ERC2: variants seen among roughly 807,000 people sequenced by gnomAD.
The protein encoded by ERC2 is ELKS/RAB6-interacting/CAST family member 2, also known as ERC protein 2.
In ERC2, 42 loss-of-function variants were observed where a neutral mutation model predicts 114.8. The observed-to-expected ratio is 0.37, with a 90% CI of 0.29 to 0.47. The LOEUF is 0.47. Ranked by LOEUF, ERC2 falls within the 20% of genes least tolerant of loss-of-function variation. The pLI, the probability that ERC2 is intolerant of heterozygous loss-of-function variation, is 0.99. For missense variants in ERC2, 939 were observed against 1,150.7 expected, an observed-to-expected ratio of 0.82 and a Z score of 2.66; for synonymous variants, 454 against 425.5, an observed-to-expected ratio of 1.07 and a Z score of -0.82.
chr3:56,424,076 T>C (rs1388203230), intron 2 of ERC2, among the ~76,000 whole-genome samples: 1 of 152,230 alleles, frequency 6.6e-6, no homozygotes, highest in Admixed American at 6.5e-5. Flanking sequence ...AATCACTCTG[T>C]TACTTTTCTG....
chr3:55,791,543 G>A (rs1055223120), intron 14 of ERC2, among the ~76,000 whole-genome samples: 3 of 152,136 alleles, frequency 2.0e-5, no homozygotes, highest in African/African-American at 7.2e-5. Context: ...AGAAATGTCT[G>A]AGATGTTTTT....
chr3:55,785,580 G>A (rs1229376142), intron 14 of ERC2, among the ~76,000 whole-genome samples: 2 of 152,206 alleles, frequency 1.3e-5, no homozygotes, highest in African/African-American at 4.8e-5. Context: ...GACCTCACAT[G>A]GCAATGCAGG....
At chr3:55,876,132 C>G (rs986010604) in intron 14 of ERC2, among the ~76,000 whole-genome samples, 1 of 152,206 alleles carries the variant, frequency 6.6e-6, no homozygotes, top group African/African-American at 2.4e-5. Flanking sequence ...CACCTCCATG[C>G]TATTCCTCCC....
At chr3:55,801,918 C>T (rs2071086975) in intron 14 of ERC2, among the ~76,000 whole-genome samples, 1 of 152,252 alleles carries the variant, frequency 6.6e-6, no homozygotes, top group Non-Finnish European at 1.5e-5. Flanking sequence ...CCCAGAACTT[C>T]CGATCCAGTG....
intron 17 of ERC2, among the ~76,000 whole-genome samples, chr3:55,652,622 C>T (rs2060675369): frequency 6.6e-6 from 1 of 152,078 alleles, no homozygotes; most frequent in Non-Finnish European, 1.5e-5. Flanking sequence ...GCCTGTAATC[C>T]CAGCACTTTG....
At chr3:56,261,451 C>T (rs62253611) in intron 3 of ERC2, among the ~76,000 whole-genome samples, 1,876 of 152,264 alleles carry the variant, frequency 0.012, 19 homozygotes, top group Middle Eastern at 0.031. Context: ...CCTCCCCTAC[C>T]TTTCACCCTG....
At chr3:55,795,774 C>T (rs1373881765) in intron 14 of ERC2, among the ~76,000 whole-genome samples, 1 of 152,178 alleles carries the variant, frequency 6.6e-6, no homozygotes, top group Admixed American at 6.5e-5. Flanking sequence ...GGATAAGTGA[C>T]TTCATTCTGT....
At chr3:56,363,549 C>T (rs2059037997) in intron 2 of ERC2, among the ~76,000 whole-genome samples, 1 of 152,084 alleles carries the variant, frequency 6.6e-6, no homozygotes, top group Non-Finnish European at 1.5e-5. Flanking sequence ...AGCAACACCA[C>T]ATGTTTCTTC....
At position 56,089,203 on chromosome 3, in the gene ERC2, G is replaced by C. The variant is rs975684909; in HGVS notation, c.1474-8219C>G. Among the ~76,000 whole-genome samples the C allele has an allele frequency of 4.6e-5, 7 of 152,144 alleles. No homozygotes were observed. In the South Asian group the frequency reaches 1.2e-3, roughly 27 times the overall value. On this transcript the variant is annotated intron_variant, in intron 6 of 17. Coordinates refer to ENST00000288221, the MANE Select transcript of ERC2 (RefSeq NM_015576.3). Reference sequence around the variant, plus strand: ...TTTAATTAAAAGCTAACATTCCAGAGTCAGCTACCAAAAATACCTCAGTAT... The same window carrying C: ...TTTAATTAAAAGCTAACATTCCAGACTCAGCTACCAAAAATACCTCAGTAT...
At chr3:55,836,958 A>G (rs979335595) in intron 14 of ERC2, among the ~76,000 whole-genome samples, 23 of 152,232 alleles carry the variant, frequency 1.5e-4, no homozygotes, top group Non-Finnish European at 3.1e-4. Context: ...ATGAACAGAC[A>G]TTTCTCAAAA....
intron 14 of ERC2, among the ~76,000 whole-genome samples, chr3:55,849,679 C>A (rs1457566068): frequency 2.6e-5 from 4 of 152,148 alleles, no homozygotes; most frequent in African/African-American, 9.7e-5. Context: ...AAATTTAAAT[C>A]TTCCAAGGAC....
intron 14 of ERC2, among the ~76,000 whole-genome samples, 181 bp from the exon 15 acceptor site, chr3:55,735,099 C>T (rs1300243743): frequency 2.0e-5 from 3 of 152,128 alleles, no homozygotes; most frequent in Non-Finnish European, 4.4e-5. Flanking sequence ...GTCAGAATCC[C>T]TGAGACTGCA....
At chr3:56,299,651 A>G (rs2055730030) in intron 2 of ERC2, among the ~76,000 whole-genome samples, 3 of 151,020 alleles carry the variant, frequency 2.0e-5, no homozygotes, top group Non-Finnish European at 1.5e-5. Context: ...GCTGGTCTCA[A>G]ACTCCTGAGC....
intron 7 of ERC2, among the ~76,000 whole-genome samples, chr3:56,032,958 AC>A: frequency 5.6e-5 from 2 of 35,936 alleles, no homozygotes; most frequent in African/African-American, 1.8e-4. Context: ...AAAGAAAGAA[AC>A]AGAAAGAAAG....
intron 17 of ERC2, among the ~76,000 whole-genome samples, chr3:55,660,817 G>A (rs556311233): frequency 6.6e-6 from 1 of 152,282 alleles, no homozygotes; most frequent in Admixed American, 6.5e-5. Context: ...GCTAACCTCT[G>A]TGAGCCTCAA....
chr3:55,715,598 C>T (rs1419118680), intron 15 of ERC2, among the ~76,000 whole-genome samples: 1 of 152,062 alleles, frequency 6.6e-6, no homozygotes, highest in African/African-American at 2.4e-5. Context: ...CCAAGTCCTA[C>T]CCTACAAAAC....
chr3:56,320,280 A>C (rs1277239772), intron 2 of ERC2, among the ~76,000 whole-genome samples: 3 of 152,248 alleles, frequency 2.0e-5, no homozygotes, highest in African/African-American at 7.2e-5. Flanking sequence ...TTTTCAAGGA[A>C]ACAAAAATAT....
intron 2 of ERC2, among the ~76,000 whole-genome samples, chr3:56,389,524 A>T (rs1560730130): frequency 6.6e-6 from 1 of 152,182 alleles, no homozygotes; most frequent in East Asian, 1.9e-4. Flanking sequence ...CCCACCTGCA[A>T]CAGCAGGAGA....
intron 2 of ERC2, among the ~76,000 whole-genome samples, chr3:56,370,595 GT>G (rs71621814): frequency 0.24 from 29,139 of 123,570 alleles, 2,408 homozygotes; most frequent in Non-Finnish European, 0.28. Context: ...GGGTTTTTTT[GT>G]TTTTTTTTTT....
Sources: allele counts gnomAD v4.1 joint callset (sites outside exome capture counted in the v4.1 genomes callset), GRCh38; gene constraint gnomAD v4.1.1; transcripts MANE v1.5; gene names NCBI Gene and HGNC (gene_info 2026-07-23, HGNC 2026-07-21).